Variants in PSMF1 observed in about 807,000 individuals in gnomAD.
PSMF1 encodes proteasome inhibitor PI31 subunit.
PSMF1 carries 30 observed loss-of-function variants against 29.3 expected under a neutral mutation model. The observed-to-expected ratio is 1.02, with a 90% CI of 0.77 to 1.39. The LOEUF is 1.39. PSMF1 is among the 40% of genes most tolerant of loss of function. The pLI is 0.00. For missense variants in PSMF1, 344 were observed against 357.5 expected, an observed-to-expected ratio of 0.96 and a Z score of 0.31; for synonymous variants, 134 against 139.7, an observed-to-expected ratio of 0.96 and a Z score of 0.29.
chr20:1,134,708 T>C, intron 3 of PSMF1: 1 of 293,206 alleles, frequency 3.4e-6, no homozygotes, highest in Non-Finnish European at 6.7e-6. Flanking sequence ...TCTGCCTGCC[T>C]GGAACAGGAA....
intron 1 of PSMF1, among the ~76,000 whole-genome samples, chr20:1,124,211 C>T (rs919970488): frequency 2.0e-5 from 3 of 151,936 alleles, no homozygotes; most frequent in Non-Finnish European, 4.4e-5. Flanking sequence ...AGAAATCTTC[C>T]CCACCTAGAA....
chr20:1,148,315 A>G (rs1299099393), intron 4 of PSMF1, among the ~76,000 whole-genome samples: 1 of 152,218 alleles, frequency 6.6e-6, no homozygotes, highest in Non-Finnish European at 1.5e-5. Context: ...ATCTGTAAGG[A>G]AAATATTTTT....
chr20:1,131,727 G>C (rs2086231929), intron 3 of PSMF1, among the ~76,000 whole-genome samples: 1 of 152,226 alleles, frequency 6.6e-6, no homozygotes, highest in South Asian at 2.1e-4. Context: ...AACCTATTGT[G>C]TTCCATTCTG....
rs2086732524 is a variant in PSMF1 at position 1,166,566 on chromosome 20, G to A, written c.*1486G>A. Reference sequence around the variant, plus strand: ...GGCCCAGGGTCAGTCTCAGATGGAAGCTGGGCCTGGGTGGGGAGGCTAGCA... The same window carrying A: ...GGCCCAGGGTCAGTCTCAGATGGAAACTGGGCCTGGGTGGGGAGGCTAGCA... On this transcript the variant is annotated 3_prime_UTR_variant, in exon 7 of 7. Transcript: ENST00000335877. 1 of 358,426 alleles carries A rather than the reference G, an allele frequency of 2.8e-6. No individual in the cohort carries two copies. Among genetic ancestry groups the A allele is most frequent in the African/African-American group, 2.0e-5 (1 of 49,042 alleles). The allele number at this position is 358,426 out of a possible 1,614,324, so 22.2% of individuals were successfully genotyped here.
At chr20:1,142,723 A>G (rs1053904252) in intron 4 of PSMF1, among the ~76,000 whole-genome samples, 25 of 152,350 alleles carry the variant, frequency 1.6e-4, no homozygotes, top group East Asian at 9.6e-4. Context: ...TAGTGCCGCA[A>G]TAAACATATA....
At position 1,163,119 on chromosome 20, in the gene PSMF1, G is replaced by A; in HGVS notation, c.552-11G>A. 1 of 1,614,092 alleles carries A rather than the reference G, an allele frequency of 6.2e-7. No individual in the cohort carries two copies. Among genetic ancestry groups the A allele is most frequent in the Non-Finnish European group, 8.5e-7 (1 of 1,179,998 alleles). The stretch of plus-strand genomic sequence containing the variant: ...CTGGGACTTGCAGTAATTGTCTCTT[G>A]TTTGTTTCAGGTGTGATCCCCTGGG... On this transcript the variant is annotated splice_polypyrimidine_tract_variant and intron_variant, in intron 4 of 6. Transcript: ENST00000335877. The surrounding 1 kb of genome is among the most constrained non-coding windows in gnomAD (Gnocchi z 6.1).
chr20:1,133,569 A>ATATATATATTTTTTTT, intron 3 of PSMF1, among the ~76,000 whole-genome samples: 2 of 53,304 alleles, frequency 3.8e-5, no homozygotes, highest in South Asian at 6.8e-4. Context: ...ATATATATAT[A>ATATATATATTTTTTTT]TTTTTTTTTT....
At chr20:1,143,038 G>A (rs2086403982) in intron 4 of PSMF1, among the ~76,000 whole-genome samples, 1 of 152,070 alleles carries the variant, frequency 6.6e-6, no homozygotes, top group Admixed American at 6.6e-5. Flanking sequence ...ACATATTCAT[G>A]GATTAAAAAA....
chr20:1,142,029 C>T (rs574394232), intron 4 of PSMF1, among the ~76,000 whole-genome samples: 5 of 152,124 alleles, frequency 3.3e-5, no homozygotes, highest in African/African-American at 1.2e-4. Flanking sequence ...ACCAGCCTGG[C>T]CAACCAACAT....
Position 1,135,238 on chromosome 20 carries a change from T to C in PSMF1, c.483T>C (p.Ala161=), listed in dbSNP as rs1173563221. The change falls in exon 4 of 7, where the codon GCT becomes GCC. Residue 161 remains alanine, a synonymous_variant. Transcript: ENST00000335877. Reference sequence around the variant, plus strand: ...GTCCCCACCGGGAGTTCCCCCCTGCTACCGCCAGAGAGGTGGACCCACTCC... The same window carrying C: ...GTCCCCACCGGGAGTTCCCCCCTGCCACCGCCAGAGAGGTGGACCCACTCC... ...VSSPHREFPP[A]TAREVDPLRI... 4 of 1,614,084 alleles carry C rather than the reference T, an allele frequency of 2.5e-6. No homozygotes were observed. The highest frequency in any genetic ancestry group is 3.4e-6 in the Non-Finnish European group (4 of 1,179,994).
At chr20:1,145,005 C>A (rs2086431393) in intron 4 of PSMF1, among the ~76,000 whole-genome samples, 1 of 152,104 alleles carries the variant, frequency 6.6e-6, no homozygotes. Context: ...TCTGCCTCAG[C>A]TTTCTGAGTA....
chr20:1,133,555 G>GTGTGTGTATATATATATATATA (rs60728448), intron 3 of PSMF1, among the ~76,000 whole-genome samples: 19 of 53,970 alleles, frequency 3.5e-4, no homozygotes, highest in Non-Finnish European at 6.7e-4. Flanking sequence ...CTATATATGT[G>GTGTGTGTATATATATATATATA]TATATATATA....
At chr20:1,114,287 C>T (rs1162926191), upstream of PSMF1, among the ~76,000 whole-genome samples, 2 of 152,184 alleles carry the variant, frequency 1.3e-5, no homozygotes, top group Admixed American at 6.5e-5. Context: ...CTTCATCACA[C>T]TCCCTCTGCT....
chr20:1,147,159 CATCATCATCATCAT>C (rs2086461292), intron 4 of PSMF1, among the ~76,000 whole-genome samples: 5 of 126,894 alleles, frequency 3.9e-5, no homozygotes, highest in Non-Finnish European at 6.7e-5. Flanking sequence ...TCATCATCAT[CATCATCATCATCAT>C]CATCACCACC....
chr20:1,117,281 A>G (rs1392701675), upstream of PSMF1, among the ~76,000 whole-genome samples: 1 of 151,484 alleles, frequency 6.6e-6, no homozygotes, highest in Non-Finnish European at 1.5e-5. Context: ...GGAGGACTTT[A>G]CTTTTCCATT....
intron 2 of PSMF1, chr20:1,126,040 A>G (rs936005193): frequency 6.7e-6 from 3 of 448,118 alleles, no homozygotes; most frequent in Non-Finnish European, 9.0e-6. Flanking sequence ...CCCCTCCCCC[A>G]TCTGCCACTC....
At chr20:1,146,573 G>T (rs1007017714) in intron 4 of PSMF1, among the ~76,000 whole-genome samples, 3 of 152,184 alleles carry the variant, frequency 2.0e-5, no homozygotes, top group Admixed American at 6.5e-5. Flanking sequence ...GGATCAGGCA[G>T]AAGATTGAGC....
chr20:1,127,229 C>T, intron 2 of PSMF1, 197 bp from the exon 3 acceptor site: 1 of 748,214 alleles, frequency 1.3e-6, no homozygotes, highest in South Asian at 1.4e-5. Flanking sequence ...TTAGTCTCTG[C>T]CTTGGAAAGG....
chr20:1,134,682 C>T (rs977272355), intron 3 of PSMF1, among the ~76,000 whole-genome samples: 4 of 152,168 alleles, frequency 2.6e-5, no homozygotes, highest in Non-Finnish European at 5.9e-5. Flanking sequence ...AGAACTGGAC[C>T]TTGAACCCCC....
Sources: gnomAD v4.1 joint callset for allele counts (sites outside exome capture counted in the v4.1 genomes callset) on GRCh38, gnomAD v4.1.1 for gene constraint, Gnocchi (gnomAD v3.1) non-coding constraint, MANE v1.5 for transcripts, NCBI Gene and HGNC (gene_info 2026-07-23, HGNC 2026-07-21) for gene names.